RAB3IL1: variants seen among roughly 807,000 people sequenced by gnomAD.
RAB3IL1 encodes the protein guanine nucleotide exchange factor for Rab-3A.
Under a neutral mutation model 49.2 loss-of-function variants are expected in RAB3IL1, and 37 were observed. The ratio of observed to expected loss-of-function variants is 0.75; its 90% CI spans 0.58 to 0.99. RAB3IL1 has a LOEUF of 0.99. RAB3IL1 is among the 50% of genes least tolerant of loss of function. The probability of loss-of-function intolerance (pLI) is 0.00; values close to 1 mark genes in which losing one functional copy is unlikely to be tolerated. For missense variants in RAB3IL1, 484 were observed against 513.0 expected, an observed-to-expected ratio of 0.94 and a Z score of 0.55; for synonymous variants, 193 against 213.9, an observed-to-expected ratio of 0.90 and a Z score of 0.85.
chr11:61,935,526 A>T, the RAB3IL1 span, among the ~76,000 whole-genome samples: 42 of 151,762 alleles, frequency 2.8e-4, no homozygotes, highest in African/African-American at 9.7e-4. Flanking sequence ...TTAATTAATT[A>T]TTTTTTGAGA....
chr11:61,944,246 C>CCTTCCTTCCTTCCTTCCTTT, the RAB3IL1 span, among the ~76,000 whole-genome samples: 5,566 of 143,068 alleles, frequency 0.039, 484 homozygotes, highest in African/African-American at 0.15. Context: ...TTCCTTCCTT[C>CCTTCCTTCCTTCCTTCCTTT]CTTCCTTCCT....
At chr11:61,929,884 CTTTTTTTTTTTTT>C in the RAB3IL1 span, among the ~76,000 whole-genome samples, 4 of 66,380 alleles carry the variant, frequency 6.0e-5, no homozygotes, top group South Asian at 9.9e-4. Flanking sequence ...CCGCGCCCGG[CTTTTTTTTTTTTT>C]TTTTTTTTTT....
At position 61,916,819 on chromosome 11, in the gene RAB3IL1, C is replaced by T. The variant is rs139949525; in HGVS notation, c.11+538G>A. 6.8e-3 allele frequency among the ~76,000 whole-genome samples: 1,031 copies of T among 152,244 alleles called. 13 individuals carry two copies. Among genetic ancestry groups the T allele is most frequent in the African/African-American group, 0.023 (946 of 41,544 alleles). On this transcript the variant is annotated intron_variant, in intron 1 of 9. Transcript: ENST00000394836. ...CCAGGACCCAGAGTCTCTGCTACCC[C>T]ACTCCAGGCTGCGGGGCCGGGGCGG...
At chr11:61,944,875 A>G in the RAB3IL1 span, among the ~76,000 whole-genome samples, 2 of 151,936 alleles carry the variant, frequency 1.3e-5, no homozygotes, top group Non-Finnish European at 2.9e-5. Context: ...TTATCTTTGT[A>G]TTTTTAGTAG....
At chr11:61,912,511 C>T (rs973199389) in intron 1 of RAB3IL1, among the ~76,000 whole-genome samples, 2 of 152,228 alleles carry the variant, frequency 1.3e-5, no homozygotes, top group African/African-American at 4.8e-5. Flanking sequence ...TCCACGCCAG[C>T]CCACCACTCC....
chr11:61,907,905 C>T (rs535038347), intron 2 of RAB3IL1, 149 bp downstream of exon 2: 23 of 1,264,942 alleles, frequency 1.8e-5, no homozygotes, highest in South Asian at 7.3e-5. Context: ...ACCATCGGTG[C>T]GCCCAGTACA....
chr11:61,934,452 A>G, the RAB3IL1 span, among the ~76,000 whole-genome samples: 2,376 of 10,378 alleles, frequency 0.23, 79 homozygotes, highest in African/African-American at 0.31. Flanking sequence ...GTGTGTATGT[A>G]TATATATATA....
chr11:61,937,205 G>A, the RAB3IL1 span, among the ~76,000 whole-genome samples: 1 of 152,142 alleles, frequency 6.6e-6, no homozygotes, highest in African/African-American at 2.4e-5. Flanking sequence ...AACATGAAAG[G>A]TAGGGGATGA....
In RAB3IL1 at chr11:61,904,871, G is replaced by T. The variant is rs1026168711; in HGVS notation, c.669C>A (p.Ile223=). 1 of 1,599,242 alleles carries T rather than the reference G, an allele frequency of 6.3e-7. No homozygotes were observed. Among genetic ancestry groups the T allele is most frequent in the Admixed American group, 1.7e-5 (1 of 58,974 alleles). The part of the protein sequence containing the change: ...PDREGKEVDT[I]LFAEFQAWRE... Reference sequence around the variant, plus strand: ...TCCAGGCCTGGAACTCTGCAAACAGGATTGTGTCCACCTGTGGGGGAGGGC... The same window carrying T: ...TCCAGGCCTGGAACTCTGCAAACAGTATTGTGTCCACCTGTGGGGGAGGGC... The change falls in exon 6 of 10, where the codon ATC becomes ATA. Residue 223 remains isoleucine (I), a synonymous_variant. Transcript: ENST00000394836.
chr11:61,911,624 C>G (rs1265233839), intron 1 of RAB3IL1, among the ~76,000 whole-genome samples: 1 of 152,194 alleles, frequency 6.6e-6, no homozygotes, highest in Non-Finnish European at 1.5e-5. Context: ...GTCCACCGCT[C>G]TCTGTACAAA....
Position 61,904,889 on chromosome 11 carries a change from G to C in RAB3IL1, c.658-7C>G. 1 of 1,583,928 alleles carries C rather than the reference G, an allele frequency of 6.3e-7. No individual in the cohort carries two copies. Among genetic ancestry groups the C allele is most frequent in the East Asian group, 2.2e-5 (1 of 44,648 alleles). On this transcript the variant is annotated splice_region_variant and splice_polypyrimidine_tract_variant and intron_variant, in intron 5 of 9. Transcript: ENST00000394836. ...CAAACAGGATTGTGTCCACCTGTGG[G>C]GGAGGGCAAGCGAGGGTGGGGGCGG...
In RAB3IL1 at chr11:61,898,068, A is replaced by G; in HGVS notation, c.*210T>C. On this transcript the variant is annotated 3_prime_UTR_variant, in exon 10 of 10. Coordinates refer to ENST00000394836, the MANE Select transcript of RAB3IL1 (RefSeq NM_013401.4). The surrounding 1 kb of genome is among the most constrained non-coding windows in gnomAD (Gnocchi z 5.1). ...TGGTGGTGGCAGAACCCAGTGGGGA[A>G]GAGAGGGGGGTCTTGCCGTGAAGTC... 3 of 553,700 alleles carry G rather than the reference A, an allele frequency of 5.4e-6. No homozygotes were observed. The highest frequency in any genetic ancestry group is 6.5e-6 in the Non-Finnish European group (2 of 309,522). The allele number at this position is 553,700 out of a possible 1,614,324, so 34.3% of individuals were successfully genotyped here.
chr11:61,904,391 G>A (rs1223428568), intron 7 of RAB3IL1, among the ~76,000 whole-genome samples, 155 bp downstream of exon 7: 1 of 152,212 alleles, frequency 6.6e-6, no homozygotes, highest in African/African-American at 2.4e-5. Context: ...GGGGTCCACA[G>A]GAAACCTGCC....
At chr11:61,938,116 G>C in the RAB3IL1 span, 1 of 152,260 alleles carries the variant, frequency 6.6e-6, no homozygotes, top group East Asian at 1.9e-4. Context: ...AGATATTCCA[G>C]GCTAGGGGCA....
chr11:61,917,583 CG>C, upstream of RAB3IL1: 1 of 1,072,698 alleles, frequency 9.3e-7, no homozygotes, highest in African/African-American at 1.7e-5. Context: ...GAGGGGGGAG[CG>C]GCCCGAGGAC....
the RAB3IL1 span, among the ~76,000 whole-genome samples, chr11:61,934,474 A>G: frequency 3.1e-3 from 172 of 56,364 alleles, 5 homozygotes; most frequent in Middle Eastern, 7.8e-3. Flanking sequence ...ATATATATAT[A>G]TATATATATA....
At chr11:61,902,276 C>G (rs1006847121) in intron 8 of RAB3IL1, among the ~76,000 whole-genome samples, 166 bp downstream of exon 8, 2 of 152,200 alleles carry the variant, frequency 1.3e-5, no homozygotes, top group African/African-American at 4.8e-5. Flanking sequence ...TGAGATTGTG[C>G]CACTGCACTC....
At chr11:61,939,754 C>T in the RAB3IL1 span, among the ~76,000 whole-genome samples, 3 of 151,850 alleles carry the variant, frequency 2.0e-5, no homozygotes, top group Non-Finnish European at 2.9e-5. Flanking sequence ...AGTTCAAGAC[C>T]GGCTTGGGCA....
chr11:61,899,244 C>G, intron 9 of RAB3IL1, 70 bp downstream of exon 9: 9 of 1,505,144 alleles, frequency 6.0e-6, no homozygotes, highest in South Asian at 3.5e-5. Context: ...CAGGTGGGCC[C>G]AGAGGGCACT....
Sources: allele counts gnomAD v4.1 joint callset (sites outside exome capture counted in the v4.1 genomes callset), GRCh38; gene constraint gnomAD v4.1.1; non-coding constraint Gnocchi (gnomAD v3.1); transcripts MANE v1.5; gene names NCBI Gene and HGNC (gene_info 2026-07-23, HGNC 2026-07-21).